The following USP20 variants were observed in gnomAD, a reference collection of about 807,000 sequenced individuals.
USP20 encodes the protein ubiquitin carboxyl-terminal hydrolase 20.
USP20 carries 80 observed loss-of-function variants against 124.2 expected under a neutral mutation model. That is an observed-to-expected ratio of 0.64 (90% CI 0.54 to 0.78). The LOEUF is 0.78. Ranked by LOEUF, USP20 falls within the 30% of genes least tolerant of loss-of-function variation. USP20 has a pLI of 0.00. For synonymous variants in USP20, 481 were observed against 512.3 expected (o/e 0.94, Z 0.83); for missense variants, 1,043 against 1,244.4 (o/e 0.84, Z 2.44).
chr9:129,849,400 T>G (rs764855824), intron 1 of USP20, among the ~76,000 whole-genome samples: 2 of 152,144 alleles, frequency 1.3e-5, no homozygotes, highest in African/African-American at 2.4e-5. Flanking sequence ...ATCCTGAAAT[T>G]AGTTCCTCCC....
chr9:129,854,952 G>T (rs528228041), intron 3 of USP20, among the ~76,000 whole-genome samples: 3 of 152,294 alleles, frequency 2.0e-5, no homozygotes, highest in Non-Finnish European at 4.4e-5. Flanking sequence ...CCTGGGGGAA[G>T]CCAGGCTTTC....
rs1269054688 is a variant in USP20 at position 129,874,618 on chromosome 9, T to TAC, written c.1784_1785dup (p.Ser596ThrfsTer57). ...AAAGCGCTTTCGGCACGAGGTGATG[T>TAC]ACTCATTCAAGATCAACAGCCACGT... On this transcript the variant is annotated frameshift_variant, in exon 18 of 26. Coordinates refer to ENST00000372429, the MANE Select transcript of USP20 (RefSeq NM_001110303.4). LOFTEE classifies it high-confidence loss of function. The TAC allele has an allele frequency of 6.2e-7, 1 of 1,613,822 alleles. No individual in the cohort carries two copies. Among genetic ancestry groups the TAC allele is most frequent in the East Asian group, 2.2e-5 (1 of 44,872 alleles).
intron 21 of USP20, 32 bp downstream of exon 21, chr9:129,875,673 C>T: frequency 6.2e-7 from 1 of 1,604,640 alleles, no homozygotes; most frequent in Non-Finnish European, 8.5e-7. Flanking sequence ...TTGTCTCCGT[C>T]CTGTCCAGGG....
In USP20 at chr9:129,864,476, A is replaced by G. The variant is rs1172663509; in HGVS notation, c.612-827A>G. Among the ~76,000 whole-genome samples, 15 of 4,298 alleles carry G rather than the reference A, an allele frequency of 3.5e-3. No homozygotes were observed. The East Asian group carries it at 0.27, about 77-fold the overall frequency. The allele number at this position is 4,298 out of a possible 152,430, so 2.8% of individuals were successfully genotyped here. ...CAGAGTGAGACCCTGTCTCAAAAAA[A>G]AAAAAAAAAAAAAAAAAGTCTGTGT... On this transcript the variant is annotated intron_variant, in intron 9 of 25. Transcript: ENST00000372429.
intron 1 of USP20, among the ~76,000 whole-genome samples, chr9:129,842,674 A>C (rs1233906213): frequency 1.3e-5 from 2 of 151,180 alleles, no homozygotes; most frequent in Admixed American, 6.6e-5. Context: ...GCTCACTGCA[A>C]CCTCTGCCTC....
At position 129,858,101 on chromosome 9, in the gene USP20, A is replaced by G. The variant is rs764493523; in HGVS notation, c.187A>G (p.Ile63Val). The change falls in exon 5 of 26, where the codon ATT (isoleucine) becomes GTT (valine). Residue 63 changes from isoleucine to valine, a missense_variant. Ile to Val is a conservative substitution (Grantham distance 29). Transcript: ENST00000372429. The part of the protein sequence containing the change: ...CGESFADHST[I>V]HAQAKKHNLT... Reference sequence around the variant, plus strand: ...AGAATCCTTTGCTGACCACAGCACCATTCATGCACAGGTGAGTGTGGTGGC... The same window carrying G: ...AGAATCCTTTGCTGACCACAGCACCGTTCATGCACAGGTGAGTGTGGTGGC... The G allele has an allele frequency of 1.9e-6, 3 of 1,613,884 alleles. No individual in the cohort carries two copies. The highest frequency in any genetic ancestry group is 2.5e-6 in the Non-Finnish European group (3 of 1,179,996).
chr9:129,870,257 G>C, intron 14 of USP20, 196 bp from the exon 15 acceptor site: 1 of 604,234 alleles, frequency 1.7e-6, no homozygotes, highest in East Asian at 2.8e-5. Context: ...GGCTTGCGGA[G>C]AGATGATGTC....
At chr9:129,864,332 G>A (rs1038739963) in intron 9 of USP20, among the ~76,000 whole-genome samples, 28 of 151,528 alleles carry the variant, frequency 1.8e-4, no homozygotes, top group Non-Finnish European at 3.4e-4. Flanking sequence ...GCTGAGTGTG[G>A]TGTGAGCACT....
Position 129,859,255 on chromosome 9 carries a change from A to ATTTTATTTT in USP20, c.330+660_330+661insTATTTTTTT. 2.9e-5 allele frequency among the ~76,000 whole-genome samples: 2 copies of ATTTTATTTT among 69,392 alleles called. 1 individual carries two copies. The highest frequency in any genetic ancestry group is 6.4e-5 in the Non-Finnish European group (2 of 31,024). The allele number at this position is 69,392 out of a possible 152,430, so 45.5% of individuals were successfully genotyped here. ...CAGCATCTGCATGGCTCTCTCCTCC[A>ATTTTATTTT]TTTATTTTATTTTATTTTATTTTAT... On this transcript the variant is annotated intron_variant, in intron 6 of 25. Coordinates refer to ENST00000372429, the MANE Select transcript of USP20 (RefSeq NM_001110303.4).
At position 129,863,173 on chromosome 9, in the gene USP20, C is replaced by G. The variant is rs35595055; in HGVS notation, c.498-13C>G. 90,610 of 1,524,510 alleles carry G rather than the reference C, an allele frequency of 0.059. 3,043 individuals carry two copies. The highest frequency in any genetic ancestry group is 0.07 in the Middle Eastern group (360 of 5,128). The allele number at this position is 1,524,510 out of a possible 1,614,324, so 94.4% of individuals were successfully genotyped here. On this transcript the variant is annotated splice_polypyrimidine_tract_variant and intron_variant, in intron 8 of 25. Coordinates refer to ENST00000372429, the MANE Select transcript of USP20 (RefSeq NM_001110303.4). ...TTGCTCTCCTGACCTGGCTCTCTCT[C>G]CCCTGCACCCAGCCCGCCGCTGACT...
intron 1 of USP20, among the ~76,000 whole-genome samples, chr9:129,844,583 C>G (rs1317062949): frequency 6.9e-6 from 1 of 144,180 alleles, no homozygotes; most frequent in Non-Finnish European, 1.5e-5. Flanking sequence ...GAGATCGCAC[C>G]ACTGCACTCC....
intron 1 of USP20, among the ~76,000 whole-genome samples, chr9:129,836,446 A>C (rs545032864): frequency 6.6e-6 from 1 of 152,156 alleles, no homozygotes; most frequent in South Asian, 2.1e-4. Context: ...GTGGAACAGG[A>C]ATTGGTTGCA....
chr9:129,863,863 T>G (rs2033685169), intron 9 of USP20, among the ~76,000 whole-genome samples: 1 of 152,072 alleles, frequency 6.6e-6, no homozygotes, highest in Admixed American at 6.5e-5. Flanking sequence ...ATCCCTGCAC[T>G]TTGAGAGGCT....
intron 1 of USP20, among the ~76,000 whole-genome samples, chr9:129,842,148 G>C (rs1301018010): frequency 6.6e-6 from 1 of 152,122 alleles, no homozygotes; most frequent in Non-Finnish European, 1.5e-5. Context: ...AGTAACCCTA[G>C]GTGCTGTCAT....
chr9:129,870,276 C>G, intron 14 of USP20, 177 bp from the exon 15 acceptor site: 1 of 629,576 alleles, frequency 1.6e-6, no homozygotes. Context: ...TCACTCGGCC[C>G]AGGACACGGA....
At chr9:129,870,174 T>C (rs2034044884) in intron 14 of USP20, 2 of 566,146 alleles carry the variant, frequency 3.5e-6, no homozygotes, top group Non-Finnish European at 6.3e-6. Flanking sequence ...CTCTCCTGCC[T>C]GAGGCCAGAG....
rs749642318 is a variant in USP20, at chr9:129,874,646, C to T, written c.1811C>T (p.Ser604Phe). ...MYSFKINSHV[S>F]FPLEGLDLRP... ...TCATTCAAGATCAACAGCCACGTCTCCTTCCCCCTCGAGGGGCTCGACCTG... is the reference window on the plus strand; with the variant it reads ...TCATTCAAGATCAACAGCCACGTCTTCTTCCCCCTCGAGGGGCTCGACCTG... The change falls in exon 18 of 26, where the codon TCC becomes TTC. Residue 604 changes from serine to phenylalanine, a missense_variant. Coordinates refer to ENST00000372429, the MANE Select transcript of USP20 (RefSeq NM_001110303.4). 1.2e-6 allele frequency: 2 copies of T among 1,613,948 alleles called. No individual in the cohort carries two copies. Among genetic ancestry groups the T allele is most frequent in the East Asian group, 4.5e-5 (2 of 44,870 alleles).
intron 8 of USP20, among the ~76,000 whole-genome samples, chr9:129,862,861 G>A (rs1047497208): frequency 6.6e-6 from 1 of 151,742 alleles, no homozygotes; most frequent in African/African-American, 2.4e-5. Context: ...AACCAAGATT[G>A]CACCACTGGA....
In USP20 at chr9:129,844,815, C is replaced by G. The variant is rs1056146691; in HGVS notation, c.-128-4998C>G. 2.0e-5 allele frequency among the ~76,000 whole-genome samples: 3 copies of G among 146,630 alleles called. 1 individual carries two copies. The South Asian group carries it at 6.4e-4, about 31-fold the overall frequency. Reference sequence around the variant, plus strand: ...AATTTATGAAAACCAGACAAAAATGCCTTTAAAATTTTCAGGACAAGTAGG... The same window carrying G: ...AATTTATGAAAACCAGACAAAAATGGCTTTAAAATTTTCAGGACAAGTAGG... On this transcript the variant is annotated intron_variant, in intron 1 of 25. Transcript: ENST00000372429.
Sources: gnomAD v4.1 joint callset for allele counts (sites outside exome capture counted in the v4.1 genomes callset) on GRCh38, gnomAD v4.1.1 for gene constraint, MANE v1.5 for transcripts, NCBI Gene and HGNC (gene_info 2026-07-23, HGNC 2026-07-21) for gene names.